Variants in SYT1 observed in about 807,000 individuals in gnomAD.
SYT1 encodes synaptotagmin 1.
SYT1 carries 8 observed loss-of-function variants against 44.8 expected under a neutral mutation model. The observed-to-expected ratio is 0.18, with a 90% CI of 0.10 to 0.32. The LOEUF is 0.32. Among genes scored for constraint, SYT1 ranks in the 10% least tolerant of loss-of-function variants. The pLI, the probability that SYT1 is intolerant of heterozygous loss-of-function variation, is 1.00. For synonymous variants in SYT1, 154 were observed against 188.8 expected, an observed-to-expected ratio of 0.82 and a Z score of 1.51; for missense variants, 286 against 509.3, an observed-to-expected ratio of 0.56 and a Z score of 4.22.
At position 78,992,218 on chromosome 12, in the gene SYT1, A is replaced by G. The variant is rs375471993; in HGVS notation, c.-84+14287A>G. On this transcript the variant is annotated intron_variant, in intron 2 of 10. Transcript: ENST00000261205. ...AGTTATGCTCAGACACCTCTGTGTGACCCTAGGCAAAGTGACTAAGCTCTC... is the reference window on the plus strand; with the variant it reads ...AGTTATGCTCAGACACCTCTGTGTGGCCCTAGGCAAAGTGACTAAGCTCTC... Among the ~76,000 whole-genome samples, 46 of 152,324 alleles carry G rather than the reference A, an allele frequency of 3.0e-4. 1 individual carries two copies. In the South Asian group the frequency reaches 4.1e-3, roughly 14 times the overall value.
intron 3 of SYT1, among the ~76,000 whole-genome samples, chr12:79,211,020 AT>A (rs574725331): frequency 1.5e-4 from 23 of 151,386 alleles, no homozygotes; most frequent in East Asian, 1.2e-3. Context: ...AGTTTTAAAG[AT>A]TTTTTTTCTT....
At chr12:78,905,793 C>T (rs1350470334) in intron 1 of SYT1, among the ~76,000 whole-genome samples, 1 of 151,780 alleles carries the variant, frequency 6.6e-6, no homozygotes, top group Non-Finnish European at 1.5e-5. Context: ...TTTTAAATTA[C>T]AGCACATTAC....
In SYT1 at chr12:79,293,318, C is replaced by T. The variant is rs1879687336; in HGVS notation, c.474+1188C>T. Reference sequence around the variant, plus strand: ...CAGCCTGGGCGACAGAGCGAGACTCCATCTCAAAAAATAAAATAAAATAAA... The same window carrying T: ...CAGCCTGGGCGACAGAGCGAGACTCTATCTCAAAAAATAAAATAAAATAAA... On this transcript the variant is annotated intron_variant, in intron 6 of 10. Coordinates refer to ENST00000261205, the MANE Select transcript of SYT1 (RefSeq NM_005639.3). Among the ~76,000 whole-genome samples, 4 of 143,696 alleles carry T rather than the reference C, an allele frequency of 2.8e-5. No homozygotes were observed. In the Admixed American group the frequency reaches 2.9e-4, roughly 10 times the overall value. 94.3% of individuals were successfully genotyped at this position (143,696 alleles called of 152,430 possible). A position where few individuals can be genotyped will look rare whatever the true frequency, so the allele number is the denominator to read the frequency against.
At chr12:78,999,945 G>T (rs1260225214) in intron 2 of SYT1, among the ~76,000 whole-genome samples, 1 of 152,172 alleles carries the variant, frequency 6.6e-6, no homozygotes, top group African/African-American at 2.4e-5. Flanking sequence ...ACTAAGAAAT[G>T]CTAACTATTG....
At chr12:79,075,045 A>G (rs557677893) in intron 3 of SYT1, among the ~76,000 whole-genome samples, 3 of 152,196 alleles carry the variant, frequency 2.0e-5, no homozygotes, top group East Asian at 3.8e-4. Context: ...GATGTACCAT[A>G]CACATATTGT....
At chr12:79,127,738 A>G (rs1868529222) in intron 3 of SYT1, among the ~76,000 whole-genome samples, 1 of 152,240 alleles carries the variant, frequency 6.6e-6, no homozygotes, top group Admixed American at 6.5e-5. Flanking sequence ...CCAGCCACAC[A>G]GAAGACGAAA....
At chr12:79,061,558 T>C (rs1005562693) in intron 3 of SYT1, among the ~76,000 whole-genome samples, 4 of 152,128 alleles carry the variant, frequency 2.6e-5, no homozygotes, top group Non-Finnish European at 5.9e-5. Context: ...CAAAAATGAA[T>C]GGGACAGTCT....
At chr12:79,140,528 T>A (rs57681648) in intron 3 of SYT1, among the ~76,000 whole-genome samples, 6,025 of 152,246 alleles carry the variant, frequency 0.04, 399 homozygotes, top group African/African-American at 0.14. Context: ...TTAGATCAAA[T>A]GAATGTGTTT....
At chr12:78,994,486 C>CTT (rs376614789) in intron 2 of SYT1, among the ~76,000 whole-genome samples, 4 of 130,702 alleles carry the variant, frequency 3.1e-5, no homozygotes, top group Admixed American at 8.1e-5. Context: ...TTTTCTTCTC[C>CTT]TTTTTTTTTT....
Position 79,250,353 on chromosome 12 carries a change from G to A in SYT1, c.166+32668G>A, listed in dbSNP as rs960104204. 2.0e-5 allele frequency among the ~76,000 whole-genome samples: 3 copies of A among 151,988 alleles called. No homozygotes were observed. The South Asian group carries it at 6.2e-4, about 32-fold the overall frequency. ...ACTCTTTATTAATAAATACAATTCCGGTATGTAAACATATTCCTCCGTATT... is the reference window on the plus strand; with the variant it reads ...ACTCTTTATTAATAAATACAATTCCAGTATGTAAACATATTCCTCCGTATT... On this transcript the variant is annotated intron_variant, in intron 4 of 10. Transcript: ENST00000261205.
chr12:79,063,457 C>T (rs1376090252), intron 3 of SYT1, among the ~76,000 whole-genome samples: 1 of 152,134 alleles, frequency 6.6e-6, no homozygotes, highest in Non-Finnish European at 1.5e-5. Context: ...CTGCTCTCTC[C>T]TCCCAGGATC....
chr12:78,889,556 T>C (rs752339698), intron 1 of SYT1, among the ~76,000 whole-genome samples: 1 of 151,956 alleles, frequency 6.6e-6, no homozygotes, highest in Non-Finnish European at 1.5e-5. Flanking sequence ...GAAAGTTTTA[T>C]GGGACTTCTA....
intron 8 of SYT1, among the ~76,000 whole-genome samples, chr12:79,320,226 A>G (rs1034781692): frequency 6.6e-6 from 1 of 152,140 alleles, no homozygotes; most frequent in African/African-American, 2.4e-5. Context: ...AGCACTGACC[A>G]TTCTCCCAAA....
At chr12:79,264,763 C>T (rs1878034175) in intron 4 of SYT1, among the ~76,000 whole-genome samples, 1 of 152,158 alleles carries the variant, frequency 6.6e-6, no homozygotes, top group Non-Finnish European at 1.5e-5. Context: ...TATTCTAATG[C>T]TGCTTGCATT....
At chr12:79,399,374 T>C (rs1433111153) in intron 9 of SYT1, among the ~76,000 whole-genome samples, 3 of 150,536 alleles carry the variant, frequency 2.0e-5, no homozygotes, top group Non-Finnish European at 4.4e-5. Context: ...AAAGATAACA[T>C]AAAAATTCAG....
chr12:79,268,769 A>G (rs913456061), intron 4 of SYT1, among the ~76,000 whole-genome samples: 2 of 152,244 alleles, frequency 1.3e-5, no homozygotes, highest in African/African-American at 4.8e-5. Context: ...AGAAGGCTAC[A>G]TGAATTTACT....
At chr12:79,200,828 G>A (rs1435723623) in intron 3 of SYT1, among the ~76,000 whole-genome samples, 1 of 152,128 alleles carries the variant, frequency 6.6e-6, no homozygotes, top group Non-Finnish European at 1.5e-5. Context: ...GATAATAACT[G>A]AACCAATCTA....
At chr12:79,318,484 C>T (rs1025557566) in intron 8 of SYT1, among the ~76,000 whole-genome samples, 1 of 152,122 alleles carries the variant, frequency 6.6e-6, no homozygotes, top group Non-Finnish European at 1.5e-5. Flanking sequence ...AATTTCTGGG[C>T]CCTGGATAAC....
At chr12:79,308,018 G>A (rs1482876567) in intron 8 of SYT1, among the ~76,000 whole-genome samples, 1 of 152,186 alleles carries the variant, frequency 6.6e-6, no homozygotes, top group African/African-American at 2.4e-5. Flanking sequence ...GGAACTCAGC[G>A]TTGTAGAACT....
Sources: allele counts gnomAD v4.1 joint callset (sites outside exome capture counted in the v4.1 genomes callset), GRCh38; gene constraint gnomAD v4.1.1; transcripts MANE v1.5; gene names NCBI Gene and HGNC (gene_info 2026-07-23, HGNC 2026-07-21).